Variants in CFAP99 observed in about 807,000 individuals in gnomAD.
CFAP99 encodes the protein cilia and flagella associated protein 99.
Under a neutral mutation model 82.7 loss-of-function variants are expected in CFAP99, and 84 were observed. The observed-to-expected ratio is 1.02, with a 90% CI of 0.85 to 1.22. CFAP99 has a LOEUF of 1.22. CFAP99 is among the 50% of genes most tolerant of loss of function. The probability of loss-of-function intolerance (pLI) is 0.00; values close to 1 mark genes in which losing one functional copy is unlikely to be tolerated. For synonymous variants in CFAP99, 456 were observed against 429.5 expected, an observed-to-expected ratio of 1.06 and a Z score of -0.76; for missense variants, 1,059 against 983.5, an observed-to-expected ratio of 1.08 and a Z score of -1.03.
chr4:2,437,011 CTTCGAGGGT>C lies in CFAP99; in HGVS notation c.250_256+2del. 1 of 1,536,058 alleles carries C rather than the reference CTTCGAGGGT, an allele frequency of 6.5e-7. No homozygotes were observed. The highest frequency in any genetic ancestry group is 1.4e-5 in the African/African-American group (1 of 73,172). ...TCTGCCTGCGGGTTGACCACAGCCG[CTTCGAGGGT>C]AGGTGCCTGGCTGGTCCCCAGGGCC... On this transcript the variant is annotated splice_donor_variant and coding_sequence_variant, in exon 3 of 15. Coordinates refer to ENST00000635017, the Ensembl canonical transcript of CFAP99. LOFTEE classifies it high-confidence loss of function.
chr4:2,445,272 G>A (rs554041397), exon 6 of CFAP99: 30 of 1,392,378 alleles, frequency 2.2e-5, no homozygotes, highest in East Asian at 1.2e-4. Context: ...CCATTCCAGC[G>A]CCCGAACCAG....
At chr4:2,442,887 GGGGTGCTGGGGGCCTTGGGGGC>G (rs1169849543) in intron 4 of CFAP99, among the ~76,000 whole-genome samples, 104 of 143,966 alleles carry the variant, frequency 7.2e-4, no homozygotes, top group Middle Eastern at 6.9e-3. Context: ...GAGCTCACTG[GGGGTGCTGGGGGCCTTGGGGGC>G]AGGGAGCTCA....
Position 2,462,825 on chromosome 4 carries a change from CAGCA to C in CFAP99, c.2045_2048del (p.Gln682ProfsTer?), listed in dbSNP as rs1734661942. On this transcript the variant is annotated frameshift_variant, in exon 15 of 15. Coordinates refer to ENST00000635017, the Ensembl canonical transcript of CFAP99. LOFTEE classifies it low-confidence loss of function (END_TRUNC). The surrounding 1 kb of genome is among the most constrained non-coding windows in gnomAD (Gnocchi z 4.1). The stretch of plus-strand genomic sequence containing the variant: ...CGGCCTGCAGGCGCAGCTAGAGGCG[CAGCA>C]CTGGCTGGAGCTGGAGCGGAGCCGC... 5 of 1,363,856 alleles carry C rather than the reference CAGCA, an allele frequency of 3.7e-6. No individual in the cohort carries two copies. Among genetic ancestry groups the C allele is most frequent in the Non-Finnish European group, 4.7e-6 (5 of 1,058,328 alleles). 84.5% of individuals were successfully genotyped at this position (1,363,856 alleles called of 1,614,324 possible).
At chr4:2,445,214 A>G in exon 6 of CFAP99, 15 of 1,463,652 alleles carry the variant, frequency 1.0e-5, no homozygotes, top group Non-Finnish European at 1.3e-5. Context: ...ACCAAGGCCA[A>G]GGTCACAGAG....
intron 14 of CFAP99, 81 bp downstream of exon 14, chr4:2,460,323 T>TGCAAC: frequency 7.6e-7 from 1 of 1,312,624 alleles, no homozygotes; most frequent in Non-Finnish European, 1.1e-6. Flanking sequence ...CCTGGGTGGG[T>TGCAAC]CTCCTAGAAA....
At chr4:2,444,957 C>T (rs904313445) in intron 5 of CFAP99, among the ~76,000 whole-genome samples, 174 bp from the exon 6 acceptor site, 2 of 152,170 alleles carry the variant, frequency 1.3e-5, no homozygotes, top group South Asian at 4.1e-4. Flanking sequence ...TAGTTGACAG[C>T]GTGTATGCCT....
rs1734657625 is a variant in CFAP99, at chr4:2,462,769, G to A, written c.1988G>A (p.Gly663Glu). ...GCAGCGGCGGGCGCGGGAGGCGGTG[G>A]GGGCGTCCCTGCCCGCGCCGACGCG... Residue 663 changes from glycine to glutamate, a missense_variant, in exon 15 of 15, where the codon GGG (glycine) becomes GAG (glutamate). Gly to Glu is a moderately conservative substitution (Grantham distance 98). Coordinates refer to ENST00000635017, the Ensembl canonical transcript of CFAP99. This position sits in a 1 kb window ranked among gnomAD's most constrained non-coding sequence, Gnocchi z 4.1. 1.6e-6 allele frequency: 2 copies of A among 1,256,038 alleles called. No homozygotes were observed. Among genetic ancestry groups the A allele is most frequent in the Non-Finnish European group, 2.0e-6 (2 of 998,782 alleles). 77.8% of individuals were successfully genotyped at this position (1,256,038 alleles called of 1,614,324 possible).
At chr4:2,455,376 G>C (rs1734404635) in intron 11 of CFAP99, among the ~76,000 whole-genome samples, 1 of 152,144 alleles carries the variant, frequency 6.6e-6, no homozygotes, top group Non-Finnish European at 1.5e-5. Context: ...TTTGGAGTTA[G>C]AAAATGCCAC....
exon 7 of CFAP99, chr4:2,449,674 C>G: frequency 2.0e-6 from 3 of 1,536,120 alleles, no homozygotes. Context: ...CAGCAGGTCC[C>G]CCAGAGCACC....
At chr4:2,459,736 G>A (rs1734567904) in intron 13 of CFAP99, among the ~76,000 whole-genome samples, 1 of 152,224 alleles carries the variant, frequency 6.6e-6, no homozygotes, top group Non-Finnish European at 1.5e-5. Flanking sequence ...AGGCCATGGG[G>A]AGTGCAAACG....
chr4:2,441,074 AATAAT>A (rs1317803589), intron 4 of CFAP99, among the ~76,000 whole-genome samples: 1 of 149,578 alleles, frequency 6.7e-6, no homozygotes, highest in South Asian at 2.1e-4. Context: ...TAATAATAAT[AATAAT>A]ATAATAATAA....
At chr4:2,455,213 A>G (rs544383730) in intron 11 of CFAP99, among the ~76,000 whole-genome samples, 5 of 152,262 alleles carry the variant, frequency 3.3e-5, no homozygotes, top group African/African-American at 1.2e-4. Context: ...TGTTCTTTAT[A>G]TGTTAGGAAA....
chr4:2,430,678 C>T (rs1339411227), intron 2 of CFAP99, among the ~76,000 whole-genome samples: 3 of 152,220 alleles, frequency 2.0e-5, no homozygotes, highest in Non-Finnish European at 4.4e-5. Context: ...TGGCACGTAC[C>T]TAGTCCCAGT....
chr4:2,447,903 G>A (rs1379197737), intron 6 of CFAP99, among the ~76,000 whole-genome samples: 2 of 148,070 alleles, frequency 1.4e-5, no homozygotes, highest in Non-Finnish European at 3.0e-5. Flanking sequence ...GTGAGTAGAT[G>A]AATGAGTGGG....
intron 11 of CFAP99, among the ~76,000 whole-genome samples, chr4:2,457,156 T>G (rs1213156644): frequency 1.3e-5 from 2 of 151,912 alleles, no homozygotes; most frequent in Non-Finnish European, 2.9e-5. Context: ...CTCACTATGT[T>G]GGTCTCAAAC....
chr4:2,426,617 A>G, intron 2 of CFAP99, 31 bp downstream of exon 2: 12 of 1,371,518 alleles, frequency 8.7e-6, no homozygotes, highest in Non-Finnish European at 1.2e-5. Flanking sequence ...CTGGGAGGCC[A>G]CGCCAATGGC....
At chr4:2,438,603 T>C (rs972935792) in intron 4 of CFAP99, among the ~76,000 whole-genome samples, 1 of 152,116 alleles carries the variant, frequency 6.6e-6, no homozygotes, top group Admixed American at 6.6e-5. Flanking sequence ...GGTTTTCTTC[T>C]GTATTTCAAA....
chr4:2,453,888 A>G (rs1734364170), intron 11 of CFAP99, among the ~76,000 whole-genome samples: 2 of 151,298 alleles, frequency 1.3e-5, no homozygotes, highest in Non-Finnish European at 2.9e-5. Flanking sequence ...ATCTCAGCTC[A>G]CTGCAACTTC....
At chr4:2,434,758 A>G (rs1486576234) in intron 2 of CFAP99, among the ~76,000 whole-genome samples, 1 of 152,224 alleles carries the variant, frequency 6.6e-6, no homozygotes, top group Non-Finnish European at 1.5e-5. Flanking sequence ...ATAAGTGTAT[A>G]TCTTGTTAGC....
Sources: allele counts gnomAD v4.1 joint callset (sites outside exome capture counted in the v4.1 genomes callset), GRCh38; gene constraint gnomAD v4.1.1; non-coding constraint Gnocchi (gnomAD v3.1); transcripts MANE v1.5; gene names NCBI Gene and HGNC (gene_info 2026-07-23, HGNC 2026-07-21).